ZNF334: variants seen among roughly 807,000 people sequenced by gnomAD.
The protein encoded by ZNF334 is zinc finger protein 334.
In ZNF334, 14 loss-of-function variants were observed where a neutral mutation model predicts 12.4. The observed-to-expected ratio is 1.13, with a 90% confidence interval of 0.74 to 1.76. The LOEUF (loss-of-function observed/expected upper bound fraction) is 1.76. ZNF334 is among the 40% of genes most tolerant of loss of function. ZNF334 has a pLI of 0.00. For synonymous variants in ZNF334, 273 were observed against 269.6 expected (o/e 1.01, Z -0.12); for missense variants, 797 against 804.5 (o/e 0.99, Z 0.11).
In ZNF334 at chr20:46,502,345, G is replaced by A. The variant is rs201701826; in HGVS notation, c.994C>T (p.Arg332Trp). ...AAATGTTCAGCCAGGGCTGACTTCC[G>A]AAAAAAGGTCTTTCCACATTCATTA... ...ECNECGKTFF[R>W]KSALAEHFRS... The change falls in exon 5 of 5, where the codon CGG becomes TGG. Residue 332 changes from arginine to tryptophan, a missense_variant. Arg to Trp is a moderately radical substitution (Grantham distance 101). Coordinates refer to ENST00000692313, the MANE Select transcript of ZNF334 (RefSeq NM_001353824.2). 187 of 1,612,740 alleles carry A rather than the reference G, an allele frequency of 1.2e-4. No homozygotes were observed. Among genetic ancestry groups the A allele is most frequent in the Non-Finnish European group, 1.5e-4 (176 of 1,179,678 alleles).
intron 2 of ZNF334, among the ~76,000 whole-genome samples, chr20:46,509,270 A>T (rs1174062431): frequency 6.6e-6 from 1 of 152,210 alleles, no homozygotes; most frequent in East Asian, 1.9e-4. Context: ...AATAGGATAA[A>T]GGGAGGATGG....
chr20:46,489,332 G>A, the ZNF334 span, among the ~76,000 whole-genome samples: 1 of 151,662 alleles, frequency 6.6e-6, no homozygotes, highest in Non-Finnish European at 1.5e-5. Flanking sequence ...TTCATCTTTG[G>A]CTATGTAATT....
chr20:46,501,074 T>C lies in ZNF334; in HGVS notation c.*222A>G. 3.9e-6 allele frequency: 2 copies of C among 512,968 alleles called. No homozygotes were observed. The highest frequency in any genetic ancestry group is 6.7e-5 in the South Asian group (2 of 29,884). The allele number at this position is 512,968 out of a possible 1,614,324, so 31.8% of individuals were successfully genotyped here. A position where few individuals can be genotyped will look rare whatever the true frequency, so the allele number is the denominator to read the frequency against. ...ATTTGGCATAACCTTTGAATTGCTG[T>C]TGAATATTTTCATAGTTCACAATGA... On this transcript the variant is annotated 3_prime_UTR_variant, in exon 5 of 5. Coordinates refer to ENST00000692313, the MANE Select transcript of ZNF334 (RefSeq NM_001353824.2).
the ZNF334 span, among the ~76,000 whole-genome samples, chr20:46,482,898 A>G: frequency 2.0e-5 from 3 of 152,160 alleles, no homozygotes; most frequent in Admixed American, 6.6e-5. Flanking sequence ...ATAGATCTCT[A>G]TGTTTGCAGT....
the ZNF334 span, among the ~76,000 whole-genome samples, chr20:46,472,659 G>C: frequency 2.6e-5 from 4 of 152,118 alleles, no homozygotes; most frequent in African/African-American, 7.2e-5. Context: ...AGGGATAAAG[G>C]GTTAACAGGA....
the ZNF334 span, chr20:46,464,019 G>T: frequency 1.6e-6 from 1 of 634,302 alleles, no homozygotes; most frequent in South Asian, 1.4e-5. Context: ...GCTCAAAGGT[G>T]ACAACCTCTT....
the ZNF334 span, among the ~76,000 whole-genome samples, chr20:46,487,611 A>T: frequency 6.6e-6 from 1 of 152,188 alleles, no homozygotes; most frequent in Non-Finnish European, 1.5e-5. Context: ...GGGTGCAAAA[A>T]CACCTAGAAT....
rs2061143579 is a variant in ZNF334, at chr20:46,501,163, T to C, written c.*133A>G. ...GATTTCTCTGATGTTACATTGAGGG[T>C]TGACTTATGGCAGAAAAATTTTCCA... On this transcript the variant is annotated 3_prime_UTR_variant, in exon 5 of 5. Coordinates refer to ENST00000692313, the MANE Select transcript of ZNF334 (RefSeq NM_001353824.2). 1 of 1,088,244 alleles carries C rather than the reference T, an allele frequency of 9.2e-7. No homozygotes were observed. Among genetic ancestry groups the C allele is most frequent in the Non-Finnish European group, 1.3e-6 (1 of 769,066 alleles). The allele number at this position is 1,088,244 out of a possible 1,614,324, so 67.4% of individuals were successfully genotyped here.
intron 2 of ZNF334, chr20:46,509,494 G>GGGGTCAGCACGT (rs1481244420): frequency 2.9e-6 from 2 of 685,318 alleles, no homozygotes; most frequent in African/African-American, 3.5e-5. Flanking sequence ...GCAGGAGCAT[G>GGGGTCAGCACGT]GGGTCAGCAC....
intron 2 of ZNF334, among the ~76,000 whole-genome samples, chr20:46,509,262 T>C (rs191056017): frequency 9.2e-5 from 14 of 152,266 alleles, no homozygotes; most frequent in African/African-American, 2.9e-4. Flanking sequence ...ATCTCCAAAA[T>C]AGGATAAAGG....
chr20:46,498,546 A>G (rs1038417332), downstream of ZNF334, among the ~76,000 whole-genome samples: 2 of 152,222 alleles, frequency 1.3e-5, no homozygotes, highest in Non-Finnish European at 2.9e-5. Flanking sequence ...AAAGACCTTG[A>G]GCCTGAACCA....
chr20:46,497,938 T>G (rs1286515624), downstream of ZNF334, among the ~76,000 whole-genome samples: 2 of 138,412 alleles, frequency 1.4e-5, no homozygotes, highest in Non-Finnish European at 3.1e-5. Flanking sequence ...ATCTCACCTA[T>G]GCAGAACATT....
chr20:46,499,546 G>T (rs1375945661), downstream of ZNF334: 2 of 151,972 alleles, frequency 1.3e-5, no homozygotes, highest in African/African-American at 4.8e-5. Context: ...AAACTTCTTG[G>T]ACTTGTGAAT....
At chr20:46,498,059 A>G (rs188574348), downstream of ZNF334, among the ~76,000 whole-genome samples, 291 of 152,330 alleles carry the variant, frequency 1.9e-3, 2 homozygotes, top group African/African-American at 6.7e-3. Flanking sequence ...TCGAGCTACA[A>G]TGCCATTTCT....
chr20:46,471,452 T>C, the ZNF334 span, among the ~76,000 whole-genome samples: 15 of 152,222 alleles, frequency 9.9e-5, no homozygotes, highest in Non-Finnish European at 4.4e-5. Flanking sequence ...ACAGGAGTTC[T>C]TAATTTTAAT....
rs1389383485 is a variant in ZNF334, at chr20:46,501,961, ACTT to A, written c.1375_1377del (p.Lys459del). The A allele has an allele frequency of 6.2e-7, 1 of 1,613,896 alleles. No homozygotes were observed. On this transcript the variant is annotated inframe_deletion, in exon 5 of 5. Coordinates refer to ENST00000692313, the MANE Select transcript of ZNF334 (RefSeq NM_001353824.2). ...TTCCCACATTCATTACATTCATAAG[ACTT>A]CTTTCCTCTATGAGTTATCTGATGT...
the ZNF334 span, among the ~76,000 whole-genome samples, chr20:46,479,171 T>C: frequency 6.6e-6 from 1 of 152,292 alleles, no homozygotes; most frequent in African/African-American, 2.4e-5. Flanking sequence ...TTCTGAAGGC[T>C]CTAGGGGGGA....
the ZNF334 span, among the ~76,000 whole-genome samples, chr20:46,490,018 T>G: frequency 4.6e-5 from 7 of 152,338 alleles, no homozygotes; most frequent in African/African-American, 1.4e-4. Flanking sequence ...TTCTAGATGT[T>G]TTTATTACAA....
chr20:46,492,624 A>C, the ZNF334 span: 1 of 152,476 alleles, frequency 6.6e-6, no homozygotes, highest in Non-Finnish European at 1.5e-5. Flanking sequence ...ATAACTCACA[A>C]TAAAAAGAAA....
Sources: allele counts gnomAD v4.1 joint callset (sites outside exome capture counted in the v4.1 genomes callset), GRCh38; gene constraint gnomAD v4.1.1; transcripts MANE v1.5; gene names NCBI Gene and HGNC (gene_info 2026-07-23, HGNC 2026-07-21).